IGF2BP3: variants seen among roughly 807,000 people sequenced by gnomAD.
The protein encoded by IGF2BP3 is insulin like growth factor 2 mRNA binding protein 3.
In IGF2BP3, 9 loss-of-function variants were observed where a neutral mutation model predicts 73.8. The ratio of observed to expected loss-of-function variants is 0.12; its 90% CI spans 0.07 to 0.21. IGF2BP3 has a LOEUF of 0.21. IGF2BP3 is among the 10% of genes least tolerant of loss of function. The pLI is 1.00. For missense variants in IGF2BP3, 542 were observed against 714.0 expected (o/e 0.76, Z 2.75); for synonymous variants, 258 against 256.7 (o/e 1.01, Z -0.05).
chr7:23,411,984 CTTTTTTTTTTT>C (rs767524257), intron 3 of IGF2BP3, among the ~76,000 whole-genome samples: 3 of 104,854 alleles, frequency 2.9e-5, no homozygotes, highest in African/African-American at 4.3e-5. Context: ...ACTTATTTCT[CTTTTTTTTTTT>C]TTTTTTTTTT....
rs535813924 is a variant in IGF2BP3, at chr7:23,385,201, C to G, written c.286-23460G>C. Among the ~76,000 whole-genome samples the G allele has an allele frequency of 3.9e-5, 6 of 152,204 alleles. No homozygotes were observed. The East Asian group carries it at 1.2e-3, about 29-fold the overall frequency. On this transcript the variant is annotated intron_variant, in intron 3 of 14. Transcript: ENST00000258729. ...AATGGAGCTCTCAAATCTATGGCTG[C>G]TAACATTACAAAAAGAGAAAACCAA...
intron 2 of IGF2BP3, among the ~76,000 whole-genome samples, chr7:23,456,720 T>C (rs1383756488): frequency 6.7e-6 from 1 of 148,892 alleles, no homozygotes; most frequent in East Asian, 1.9e-4. Context: ...AAGCTCTTTG[T>C]TGTCAAACTT....
intron 2 of IGF2BP3, among the ~76,000 whole-genome samples, chr7:23,439,212 C>G (rs546091029): frequency 6.6e-6 from 1 of 152,062 alleles, no homozygotes; most frequent in South Asian, 2.1e-4. Context: ...CATTGCACTC[C>G]GGGCTGGGGA....
intron 2 of IGF2BP3, among the ~76,000 whole-genome samples, chr7:23,421,467 C>T (rs1024469388): frequency 1.3e-5 from 2 of 151,518 alleles, no homozygotes; most frequent in African/African-American, 2.4e-5. Flanking sequence ...CTGAGGTGGG[C>T]GGATCACCTG....
chr7:23,397,648 T>C (rs1021418146), intron 3 of IGF2BP3, among the ~76,000 whole-genome samples: 1 of 152,204 alleles, frequency 6.6e-6, no homozygotes, highest in Non-Finnish European at 1.5e-5. Context: ...GTATTCTGCA[T>C]AGAAATCCCT....
At chr7:23,355,878 A>G (rs1785083908) in intron 5 of IGF2BP3, among the ~76,000 whole-genome samples, 1 of 151,660 alleles carries the variant, frequency 6.6e-6, no homozygotes, top group Admixed American at 6.6e-5. Flanking sequence ...GGTTGCAGTG[A>G]GCCAAGATTG....
intron 3 of IGF2BP3, among the ~76,000 whole-genome samples, chr7:23,399,146 G>C (rs1786578226): frequency 6.6e-6 from 1 of 152,032 alleles, no homozygotes; most frequent in East Asian, 1.9e-4. Context: ...AGTTTTCCCA[G>C]CACCATTTAT....
intron 10 of IGF2BP3, among the ~76,000 whole-genome samples, chr7:23,328,728 G>A (rs1784367309): frequency 6.6e-6 from 1 of 152,154 alleles, no homozygotes; most frequent in African/African-American, 2.4e-5. Flanking sequence ...ACATGACCAA[G>A]TAATTTAGAC....
At chr7:23,368,341 A>AG (rs1785443621) in intron 3 of IGF2BP3, among the ~76,000 whole-genome samples, 1 of 141,522 alleles carries the variant, frequency 7.1e-6, no homozygotes, top group African/African-American at 2.8e-5. Flanking sequence ...GAAAGAAAGA[A>AG]AAAAAGAAAG....
intron 5 of IGF2BP3, among the ~76,000 whole-genome samples, chr7:23,355,764 C>G (rs2128506294): frequency 6.6e-6 from 1 of 152,176 alleles, no homozygotes; most frequent in East Asian, 1.9e-4. Flanking sequence ...AAAACTCTGT[C>G]TCTACTAAAA....
At position 23,312,683 on chromosome 7, in the gene IGF2BP3, G is replaced by A. The variant is rs541362754; in HGVS notation, c.1641+52C>T. ...CTATCAGGTAGGAGCACCTGTGGGAGAATTGCTTCCACGTGAGAAAGATAC... is the reference window on the plus strand; with the variant it reads ...CTATCAGGTAGGAGCACCTGTGGGAAAATTGCTTCCACGTGAGAAAGATAC... On this transcript the variant is annotated intron_variant, in intron 14 of 14. Coordinates refer to ENST00000258729, the MANE Select transcript of IGF2BP3 (RefSeq NM_006547.3). 593 of 1,268,684 alleles carry A rather than the reference G, an allele frequency of 4.7e-4. 1 individual carries two copies. Among genetic ancestry groups the A allele is most frequent in the Middle Eastern group, 2.1e-3 (8 of 3,852 alleles). 78.6% of individuals were successfully genotyped at this position (1,268,684 alleles called of 1,614,324 possible). A position where few individuals can be genotyped will look rare whatever the true frequency, so the allele number is the denominator to read the frequency against.
At position 23,340,351 on chromosome 7, in the gene IGF2BP3, C is replaced by CA. The variant is rs564364742; in HGVS notation, c.1203+1712dup. On this transcript the variant is annotated intron_variant, in intron 10 of 14. Coordinates refer to ENST00000258729, the MANE Select transcript of IGF2BP3 (RefSeq NM_006547.3). ...TGCTGACAGTAAAGGCAGAAACACA[C>CA]ACGGCAGGAGGGCAACTGCTTAGAA... Among the ~76,000 whole-genome samples the CA allele has an allele frequency of 4.6e-5, 7 of 152,248 alleles. No homozygotes were observed. In the South Asian group the frequency reaches 1.5e-3, roughly 32 times the overall value.
rs921442759 is a variant in IGF2BP3 at position 23,311,966 on chromosome 7, T to A, written c.*396A>T. 1.8e-5 allele frequency: 3 copies of A among 166,258 alleles called. No individual in the cohort carries two copies. Among genetic ancestry groups the A allele is most frequent in the Non-Finnish European group, 3.9e-5 (3 of 77,332 alleles). The allele number at this position is 166,258 out of a possible 1,614,324, so 10.3% of individuals were successfully genotyped here. A position where few individuals can be genotyped will look rare whatever the true frequency, so the allele number is the denominator to read the frequency against. ...AATTATTCTGATCCAATTTTAACAA[T>A]TGGATTTAGGAGCAATCTATTTGAT... On this transcript the variant is annotated 3_prime_UTR_variant, in exon 15 of 15. Coordinates refer to ENST00000258729, the MANE Select transcript of IGF2BP3 (RefSeq NM_006547.3).
intron 10 of IGF2BP3, among the ~76,000 whole-genome samples, chr7:23,341,353 A>G (rs571599154): frequency 8.5e-5 from 13 of 152,310 alleles, no homozygotes; most frequent in African/African-American, 3.1e-4. Flanking sequence ...GAAGCCTTTA[A>G]AAAATCTTTT....
intron 1 of IGF2BP3, among the ~76,000 whole-genome samples, chr7:23,468,904 TC>T (rs916099516): frequency 2.0e-5 from 3 of 152,038 alleles, no homozygotes; most frequent in African/African-American, 7.2e-5. Flanking sequence ...GGCAGGGGGC[TC>T]CCCTGGCTTT....
At chr7:23,426,161 T>C (rs902329856) in intron 2 of IGF2BP3, among the ~76,000 whole-genome samples, 2 of 151,566 alleles carry the variant, frequency 1.3e-5, no homozygotes, top group Non-Finnish European at 2.9e-5. Context: ...AACCCATCTG[T>C]ACTGAAAATA....
At chr7:23,347,778 G>A (rs768256032) in intron 6 of IGF2BP3, 44 bp from the exon 7 acceptor site, 33 of 1,612,310 alleles carry the variant, frequency 2.0e-5, no homozygotes, top group Admixed American at 6.7e-5. Context: ...AGCAGTAAGC[G>A]TGTATTCACA....
chr7:23,445,985 A>C (rs541230534), intron 2 of IGF2BP3, among the ~76,000 whole-genome samples: 5 of 152,352 alleles, frequency 3.3e-5, no homozygotes, highest in Admixed American at 3.3e-4. Context: ...AACAAATTAA[A>C]AGAAAAAATA....
At chr7:23,458,336 T>G (rs564615614) in intron 2 of IGF2BP3, among the ~76,000 whole-genome samples, 178 of 152,250 alleles carry the variant, frequency 1.2e-3, no homozygotes, top group African/African-American at 4.2e-3. Context: ...AAGACACATG[T>G]GGCAAGCAAC....
Sources: gnomAD v4.1 joint callset for allele counts (sites outside exome capture counted in the v4.1 genomes callset) on GRCh38, gnomAD v4.1.1 for gene constraint, MANE v1.5 for transcripts, NCBI Gene and HGNC (gene_info 2026-07-23, HGNC 2026-07-21) for gene names.